SPOCK1: variants seen among roughly 807,000 people sequenced by gnomAD.
SPOCK1 encodes the protein testican-1.
In SPOCK1, 23 loss-of-function variants were observed where a neutral mutation model predicts 55.3. That is an observed-to-expected ratio of 0.42 (90% CI 0.30 to 0.59). SPOCK1 has a LOEUF of 0.59. SPOCK1 is among the 20% of genes least tolerant of loss of function. SPOCK1 has a pLI of 0.22. For synonymous variants in SPOCK1, 226 were observed against 221.0 expected (o/e 1.02, Z -0.20); for missense variants, 499 against 552.5 (o/e 0.90, Z 0.97).
intron 2 of SPOCK1, among the ~76,000 whole-genome samples, chr5:137,483,263 G>A (rs1753986293): frequency 6.6e-6 from 1 of 152,206 alleles, no homozygotes; most frequent in South Asian, 2.1e-4. Context: ...AACCTGGAAG[G>A]CGGAGGTTGC....
chr5:137,368,925 C>A (rs1367952625), intron 2 of SPOCK1, among the ~76,000 whole-genome samples: 1 of 152,234 alleles, frequency 6.6e-6, no homozygotes, highest in African/African-American at 2.4e-5. Flanking sequence ...CAAGCTGCAG[C>A]TAGGCAAGCT....
At chr5:137,121,921 CTGT>C (rs1425207237) in intron 4 of SPOCK1, among the ~76,000 whole-genome samples, 1 of 144,392 alleles carries the variant, frequency 6.9e-6, no homozygotes, top group Non-Finnish European at 1.5e-5. Context: ...ATAAATAATA[CTGT>C]TATTATATAA....
At chr5:137,391,635 G>A (rs1452384728) in intron 2 of SPOCK1, among the ~76,000 whole-genome samples, 1 of 151,980 alleles carries the variant, frequency 6.6e-6, no homozygotes, top group African/African-American at 2.4e-5. Context: ...GATTCACTCG[G>A]TGCCTCCCCA....
chr5:137,304,783 C>T (rs1478829972), intron 2 of SPOCK1, among the ~76,000 whole-genome samples: 5 of 152,264 alleles, frequency 3.3e-5, no homozygotes, highest in Admixed American at 6.5e-5. Context: ...CAGGCTCTAC[C>T]GTGAGTGGCT....
Position 136,996,761 on chromosome 5 carries a change from G to T in SPOCK1, c.590-4161C>A, listed in dbSNP as rs544482419. Among the ~76,000 whole-genome samples, 4 of 152,194 alleles carry T rather than the reference G, an allele frequency of 2.6e-5. No individual in the cohort carries two copies. In the East Asian group the frequency reaches 7.7e-4, roughly 29 times the overall value. ...ATTACCAATTGGCAGGATCCTAAAA[G>T]TAGCCAATCACAGGGAGGATTGAAA... On this transcript the variant is annotated intron_variant, in intron 6 of 10. Transcript: ENST00000394945.
At chr5:136,994,618 CCAA>C (rs1440539768) in intron 6 of SPOCK1, among the ~76,000 whole-genome samples, 5 of 151,288 alleles carry the variant, frequency 3.3e-5, no homozygotes, top group Admixed American at 2.0e-4. Flanking sequence ...ATTCAGAAAG[CCAA>C]CAACAAATCC....
intron 2 of SPOCK1, among the ~76,000 whole-genome samples, chr5:137,393,945 T>G (rs927443125): frequency 1.3e-5 from 2 of 151,130 alleles, no homozygotes; most frequent in Admixed American, 6.6e-5. Context: ...TGTTTTAGGG[T>G]TTTTTTTTCA....
intron 6 of SPOCK1, among the ~76,000 whole-genome samples, chr5:137,008,329 C>CACACACAA (rs751309050): frequency 2.0e-5 from 3 of 150,690 alleles, no homozygotes; most frequent in Non-Finnish European, 4.4e-5. Flanking sequence ...CACACACACA[C>CACACACAA]AATCAACACA....
chr5:137,411,084 C>T (rs745479208), intron 2 of SPOCK1, among the ~76,000 whole-genome samples: 24 of 152,210 alleles, frequency 1.6e-4, no homozygotes, highest in Non-Finnish European at 3.2e-4. Context: ...TCTTACGGAC[C>T]GGGCACTGTA....
At chr5:137,368,281 C>T (rs1435077586) in intron 2 of SPOCK1, among the ~76,000 whole-genome samples, 2 of 152,112 alleles carry the variant, frequency 1.3e-5, no homozygotes, top group Non-Finnish European at 2.9e-5. Context: ...GCAGAATAAC[C>T]CAAGTGGACA....
intron 2 of SPOCK1, among the ~76,000 whole-genome samples, chr5:137,308,393 C>T (rs1017020635): frequency 6.6e-6 from 1 of 152,226 alleles, no homozygotes; most frequent in African/African-American, 2.4e-5. Context: ...AGCAAGGCAG[C>T]TTTGTCCAGT....
intron 5 of SPOCK1, among the ~76,000 whole-genome samples, chr5:137,087,401 T>C (rs980994070): frequency 4.6e-5 from 7 of 152,242 alleles, no homozygotes; most frequent in African/African-American, 1.4e-4. Context: ...TCTTTGGGGT[T>C]GTACTAAGTG....
chr5:137,074,547 G>T (rs188365317), intron 5 of SPOCK1, among the ~76,000 whole-genome samples: 1 of 152,122 alleles, frequency 6.6e-6, no homozygotes, highest in Non-Finnish European at 1.5e-5. Context: ...ACTGAGTTTC[G>T]CTCTTATTGC....
chr5:137,094,912 T>C (rs1753115672), intron 5 of SPOCK1, among the ~76,000 whole-genome samples: 1 of 152,228 alleles, frequency 6.6e-6, no homozygotes, highest in Non-Finnish European at 1.5e-5. Context: ...GCACGATCAT[T>C]TCTAACTTTT....
At chr5:137,210,612 G>C (rs1755592941) in intron 3 of SPOCK1, among the ~76,000 whole-genome samples, 1 of 152,112 alleles carries the variant, frequency 6.6e-6, no homozygotes, top group Non-Finnish European at 1.5e-5. Flanking sequence ...CTGGGACTAG[G>C]GGGCATCTGG....
At chr5:137,089,765 A>C (rs180868685) in intron 5 of SPOCK1, among the ~76,000 whole-genome samples, 3 of 152,372 alleles carry the variant, frequency 2.0e-5, no homozygotes, top group South Asian at 4.1e-4. Flanking sequence ...TTTGAGTAAC[A>C]AAATTGGAAA....
At chr5:137,143,340 T>A (rs1304169786) in intron 3 of SPOCK1, among the ~76,000 whole-genome samples, 1 of 152,206 alleles carries the variant, frequency 6.6e-6, no homozygotes, top group African/African-American at 2.4e-5. Flanking sequence ...TTTGTTAACA[T>A]GCCACACTGT....
intron 5 of SPOCK1, among the ~76,000 whole-genome samples, chr5:137,109,595 A>G (rs1561612341): frequency 6.6e-6 from 1 of 152,208 alleles, no homozygotes; most frequent in Non-Finnish European, 1.5e-5. Context: ...TTGCCAGATC[A>G]TCTTCTCACC....
chr5:137,308,712 TA>T (rs1398008258), intron 2 of SPOCK1, among the ~76,000 whole-genome samples: 2 of 152,346 alleles, frequency 1.3e-5, no homozygotes, highest in East Asian at 3.9e-4. Context: ...ATTTTCCATT[TA>T]AAACACCTAT....
Sources: gnomAD v4.1 joint callset for allele counts (sites outside exome capture counted in the v4.1 genomes callset) on GRCh38, gnomAD v4.1.1 for gene constraint, MANE v1.5 for transcripts, NCBI Gene and HGNC (gene_info 2026-07-23, HGNC 2026-07-21) for gene names.